TNIK: variants seen among roughly 807,000 people sequenced by gnomAD.
The protein encoded by TNIK is TRAF2 and NCK-interacting protein kinase.
In TNIK, 49 loss-of-function variants were observed where a neutral mutation model predicts 191.3. The ratio of observed to expected loss-of-function variants is 0.26; its 90% CI spans 0.20 to 0.32. The LOEUF is 0.32. TNIK is among the 10% of genes least tolerant of loss of function. TNIK has a pLI of 1.00. For synonymous variants in TNIK, 594 were observed against 600.9 expected (o/e 0.99, Z 0.17); for missense variants, 1,155 against 1,702.3 (o/e 0.68, Z 5.66).
intron 4 of TNIK, among the ~76,000 whole-genome samples, chr3:171,205,803 G>T (rs973811526): frequency 6.6e-6 from 1 of 152,142 alleles, no homozygotes; most frequent in Non-Finnish European, 1.5e-5. Context: ...AGCCCTGAAT[G>T]ATCTGGATCC....
chr3:171,173,717 G>C (rs1008121487), intron 9 of TNIK, among the ~76,000 whole-genome samples: 51 of 152,162 alleles, frequency 3.4e-4, no homozygotes, highest in African/African-American at 1.2e-3. Context: ...CTGTGGAAAA[G>C]CTCAGAATAC....
At chr3:171,300,427 GA>G (rs1433478126) in intron 2 of TNIK, among the ~76,000 whole-genome samples, 1 of 152,124 alleles carries the variant, frequency 6.6e-6, no homozygotes. Context: ...CTCAGAAAGA[GA>G]AAGGGAAAAA....
chr3:171,098,679 T>C (rs116501950), intron 22 of TNIK, among the ~76,000 whole-genome samples: 1,677 of 152,302 alleles, frequency 0.011, 21 homozygotes, highest in Non-Finnish European at 0.019. Flanking sequence ...ATATTTTTGT[T>C]TTCTGCTTTA....
At chr3:171,065,351 T>C (rs1321120915) in intron 32 of TNIK, among the ~76,000 whole-genome samples, 1 of 152,164 alleles carries the variant, frequency 6.6e-6, no homozygotes, top group Non-Finnish European at 1.5e-5. Context: ...ATCACCAGGT[T>C]TGGACTAAGA....
chr3:171,290,489 A>G (rs1365415348), intron 2 of TNIK, among the ~76,000 whole-genome samples: 1 of 152,246 alleles, frequency 6.6e-6, no homozygotes. Flanking sequence ...TGCCTGGCAC[A>G]CAATAGATAT....
chr3:171,241,925 C>A (rs963376166), intron 2 of TNIK, among the ~76,000 whole-genome samples: 2 of 151,994 alleles, frequency 1.3e-5, no homozygotes, highest in South Asian at 2.1e-4. Context: ...GGACAAAAAA[C>A]CAAACACCAC....
intron 1 of TNIK, among the ~76,000 whole-genome samples, chr3:171,394,474 T>C (rs912668328): frequency 6.6e-6 from 1 of 152,070 alleles, no homozygotes; most frequent in Non-Finnish European, 1.5e-5. Flanking sequence ...GGGCTCTTGA[T>C]CTATGTCCCC....
chr3:171,140,706 G>A (rs143953524), intron 12 of TNIK, among the ~76,000 whole-genome samples, 197 bp from the exon 13 acceptor site: 1 of 152,210 alleles, frequency 6.6e-6, no homozygotes, highest in Non-Finnish European at 1.5e-5. Flanking sequence ...TCAGTGTCAC[G>A]CATAACATAC....
At chr3:171,304,003 GC>G (rs1375597214) in intron 2 of TNIK, among the ~76,000 whole-genome samples, 1 of 151,126 alleles carries the variant, frequency 6.6e-6, no homozygotes, top group Non-Finnish European at 1.5e-5. Flanking sequence ...ACTGAAGAAG[GC>G]CCGGGGGAGG....
At chr3:171,450,773 A>G (rs774641024) in intron 1 of TNIK, among the ~76,000 whole-genome samples, 2 of 152,210 alleles carry the variant, frequency 1.3e-5, no homozygotes, top group Admixed American at 6.5e-5. Flanking sequence ...TGAATGAATT[A>G]ATTGCATTCA....
At chr3:171,357,527 G>A (rs1316314768) in intron 2 of TNIK, among the ~76,000 whole-genome samples, 4 of 148,706 alleles carry the variant, frequency 2.7e-5, no homozygotes, top group Non-Finnish European at 5.9e-5. Flanking sequence ...GACCTCAGGT[G>A]ATCCATCTGC....
intron 22 of TNIK, 132 bp from the exon 23 acceptor site, chr3:171,094,100 A>C (rs756127948): frequency 1.2e-4 from 141 of 1,223,834 alleles, no homozygotes; most frequent in Non-Finnish European, 1.4e-4. Flanking sequence ...TACCAATTTT[A>C]AGTGTACATG....
chr3:171,112,597 C>T (rs1359570399), intron 18 of TNIK, among the ~76,000 whole-genome samples: 3 of 151,508 alleles, frequency 2.0e-5, no homozygotes, highest in South Asian at 2.1e-4. Flanking sequence ...GTGGAATCTA[C>T]AAACATCAAA....
chr3:171,142,670 C>T (rs375437672), intron 12 of TNIK, among the ~76,000 whole-genome samples: 1 of 152,134 alleles, frequency 6.6e-6, no homozygotes, highest in Non-Finnish European at 1.5e-5. Context: ...AAAAATAATA[C>T]AGGAAGATGC....
intron 1 of TNIK, among the ~76,000 whole-genome samples, chr3:171,456,849 A>C (rs1254478778): frequency 6.6e-6 from 1 of 152,252 alleles, no homozygotes; most frequent in Admixed American, 6.5e-5. Flanking sequence ...TCCACCACAG[A>C]AAGTGTGACT....
At chr3:171,090,779 A>G (rs563055798) in intron 23 of TNIK, among the ~76,000 whole-genome samples, 11 of 152,290 alleles carry the variant, frequency 7.2e-5, no homozygotes, top group Non-Finnish European at 1.3e-4. Flanking sequence ...TAGGACAGGG[A>G]TAGGTAGAAC....
chr3:171,359,535 C>T (rs548386730), intron 2 of TNIK, among the ~76,000 whole-genome samples: 94 of 152,146 alleles, frequency 6.2e-4, no homozygotes, highest in Non-Finnish European at 1.1e-3. Flanking sequence ...AAGTGAGCAA[C>T]AGGACCAAGA....
intron 18 of TNIK, among the ~76,000 whole-genome samples, chr3:171,118,670 C>G (rs371541189): frequency 0.015 from 2,297 of 152,158 alleles, 62 homozygotes; most frequent in African/African-American, 0.045. Context: ...ATAAACCTGA[C>G]AAAAACAAGC....
At chr3:171,157,902 G>A (rs192535993) in intron 11 of TNIK, among the ~76,000 whole-genome samples, 2 of 152,272 alleles carry the variant, frequency 1.3e-5, no homozygotes, top group African/African-American at 4.8e-5. Flanking sequence ...TCCATAGAGG[G>A]ATGTCACATT....
Sources: allele counts gnomAD v4.1 joint callset (sites outside exome capture counted in the v4.1 genomes callset), GRCh38; gene constraint gnomAD v4.1.1; transcripts MANE v1.5; gene names NCBI Gene and HGNC (gene_info 2026-07-23, HGNC 2026-07-21).